Variants in CNP observed in about 807,000 individuals in gnomAD.
The protein encoded by CNP is 2',3'-cyclic nucleotide 3' phosphodiesterase.
CNP carries 8 observed loss-of-function variants against 37.9 expected under a neutral mutation model. That is an observed-to-expected ratio of 0.21 (90% confidence interval 0.12 to 0.38). The LOEUF is 0.38. Ranked by LOEUF, CNP falls within the 10% of genes least tolerant of loss-of-function variation. CNP has a pLI of 1.00. For missense variants in CNP, 457 were observed against 551.0 expected, an observed-to-expected ratio of 0.83 and a Z score of 1.71; for synonymous variants, 237 against 238.3, an observed-to-expected ratio of 0.99 and a Z score of 0.05.
In CNP at chr17:41,967,675, C is replaced by G. The variant is rs563043071; in HGVS notation, c.4-393C>G. 28 of 1,036,372 alleles carry G rather than the reference C, an allele frequency of 2.7e-5. 1 individual carries two copies. The South Asian group carries it at 3.1e-4, about 11-fold the overall frequency. 64.2% of individuals were successfully genotyped at this position (1,036,372 alleles called of 1,614,324 possible). On this transcript the variant is annotated intron_variant, in intron 1 of 3. Transcript: ENST00000393892. ...TGGGGTAACCCTTCTCCACTCCCCCCCTTCTCTGTGCACTCAGCCGTGGCA... is the reference window on the plus strand; with the variant it reads ...TGGGGTAACCCTTCTCCACTCCCCCGCTTCTCTGTGCACTCAGCCGTGGCA...
chr17:41,972,021 C>T lies in CNP; in HGVS notation c.806C>T (p.Ala269Val), dbSNP rs766499063. The change falls in exon 3 of 4, where the codon GCT (alanine) becomes GTT (valine). Residue 269 changes from alanine (A) to valine (V), a missense_variant. By Grantham distance (64) the Ala-to-Val change is moderately conservative. This residue lies in a region of CNP where 291 missense variants were observed against 291.7 expected (regional missense o/e 1.00). Coordinates refer to ENST00000393892, the MANE Select transcript of CNP (RefSeq NM_033133.5). Reference protein sequence around the residue: ...YGKAPGAEEYAQQDVLKKSYS... With the variant: ...YGKAPGAEEYVQQDVLKKSYS... ...AAGGCTCCCGGGGCAGAGGAGTACG[C>T]TCAACAAGATGTGAGTCTTCCCCAG... 4.5e-5 allele frequency: 73 copies of T among 1,613,576 alleles called. No homozygotes were observed. The highest frequency in any genetic ancestry group is 5.8e-5 in the Non-Finnish European group (68 of 1,179,814).
chr17:41,973,040 G>C (rs1555644052), intron 3 of CNP, among the ~76,000 whole-genome samples: 2 of 152,244 alleles, frequency 1.3e-5, no homozygotes, highest in Non-Finnish European at 2.9e-5. Flanking sequence ...GCTGAGCGGT[G>C]CCAACAGTAG....
Position 41,968,584 on chromosome 17 carries a change from C to G in CNP, c.520C>G (p.Leu174Val), listed in dbSNP as rs927755907. 6.2e-7 allele frequency: 1 copy of G among 1,613,946 alleles called. No homozygotes were observed. The highest frequency in any genetic ancestry group is 1.3e-5 in the African/African-American group (1 of 74,928). The change falls in exon 2 of 4, where the codon CTG becomes GTG. Residue 174 changes from leucine (L) to valine (V), a missense_variant. By Grantham distance (32) the Leu-to-Val change is conservative (BLOSUM62 1). Coordinates refer to ENST00000393892, the MANE Select transcript of CNP (RefSeq NM_033133.5). The surrounding 1 kb of genome is among the most constrained non-coding windows in gnomAD (Gnocchi z 4.8). ...CCAGTGGCAGCTGTCGGCTGATGACCTGAAGAAGCTGAAGCCTGGGCTGGA... is the reference window on the plus strand; with the variant it reads ...CCAGTGGCAGCTGTCGGCTGATGACGTGAAGAAGCTGAAGCCTGGGCTGGA... ...KNQWQLSADD[L>V]KKLKPGLEKD...
intron 1 of CNP, 92 bp from the exon 2 acceptor site, chr17:41,967,976 A>G: frequency 6.6e-7 from 1 of 1,523,586 alleles, no homozygotes; most frequent in Non-Finnish European, 8.8e-7. Flanking sequence ...CCCGCTTGGG[A>G]AGGCACCCAC....
Position 41,976,489 on chromosome 17 carries a change from A to C in CNP, c.*2565A>C. ...TTTTTTTTCTTTTTTAATAAAGTTA[A>C]ACAGTAAAACAAAAATTCACAAGCT... is the stretch of plus-strand genomic sequence containing the variant. On this transcript the variant is annotated 3_prime_UTR_variant, in exon 4 of 4. Transcript: ENST00000393892. 2.0e-6 allele frequency: 1 copy of C among 510,628 alleles called. No individual in the cohort carries two copies. The highest frequency in any genetic ancestry group is 2.7e-5 in the South Asian group (1 of 36,690). The allele number at this position is 510,628 out of a possible 1,614,324, so 31.6% of individuals were successfully genotyped here.
rs911671265 is a variant in CNP, at chr17:41,977,188, A to G, written c.*3264A>G. On this transcript the variant is annotated 3_prime_UTR_variant, in exon 4 of 4. Transcript: ENST00000393892. ...CGCTCATGGGCCCCTCTGACTCCCA[A>G]AGAGCTGCCTAAGAGGCAATGAGTG... 8.8e-6 allele frequency: 13 copies of G among 1,476,192 alleles called. No individual in the cohort carries two copies. Among genetic ancestry groups the G allele is most frequent in the Middle Eastern group, 2.1e-4 (1 of 4,856 alleles). The allele number at this position is 1,476,192 out of a possible 1,614,324, so 91.4% of individuals were successfully genotyped here.
intron 2 of CNP, chr17:41,971,399 T>TC (rs1555643779): frequency 6.9e-6 from 1 of 144,782 alleles, no homozygotes; most frequent in Non-Finnish European, 1.5e-5. Flanking sequence ...AATTTTAACT[T>TC]TTTTTTTTTT....
At chr17:41,969,787 C>G (rs1555643529) in intron 2 of CNP, among the ~76,000 whole-genome samples, 1 of 152,126 alleles carries the variant, frequency 6.6e-6, no homozygotes. Context: ...AACTCCTGAC[C>G]TCAGGTGATC....
In CNP at chr17:41,976,892, G is replaced by A. The variant is rs1477846120; in HGVS notation, c.*2968G>A. 9.6e-6 allele frequency: 12 copies of A among 1,253,556 alleles called. No individual in the cohort carries two copies. The East Asian group carries it at 2.4e-4, about 25-fold the overall frequency. 77.7% of individuals were successfully genotyped at this position (1,253,556 alleles called of 1,614,324 possible). The stretch of plus-strand genomic sequence containing the variant: ...CTCAAACACAGAGAGAAACTCTATG[G>A]GTATCAAACAGCTCAGGCTGTTTTT... On this transcript the variant is annotated 3_prime_UTR_variant, in exon 4 of 4. Coordinates refer to ENST00000393892, the MANE Select transcript of CNP (RefSeq NM_033133.5).
rs1328788413 is a variant in CNP, at chr17:41,974,703, A to G, written c.*779A>G. 1 of 152,562 alleles carries G rather than the reference A, an allele frequency of 6.6e-6. No homozygotes were observed. The highest frequency in any genetic ancestry group is 1.5e-5 in the Non-Finnish European group (1 of 68,326). 9.5% of individuals were successfully genotyped at this position (152,562 alleles called of 1,614,324 possible). On this transcript the variant is annotated 3_prime_UTR_variant, in exon 4 of 4. Coordinates refer to ENST00000393892, the MANE Select transcript of CNP (RefSeq NM_033133.5). ...AACTAGGGAAGAAAGCAGAACAGTT[A>G]AGCAGCCGCCACATCCCCGCTGGCT...
In CNP at chr17:41,974,125, C is replaced by T; in HGVS notation, c.*201C>T. 1 of 441,410 alleles carries T rather than the reference C, an allele frequency of 2.3e-6. No homozygotes were observed. Among genetic ancestry groups the T allele is most frequent in the Non-Finnish European group, 3.8e-6 (1 of 263,328 alleles). 27.3% of individuals were successfully genotyped at this position (441,410 alleles called of 1,614,324 possible). ...CCCTCTAATGCTCACGCTCCCAACA[C>T]AAGGTGGGCAGGGAGGCACCATTCA... On this transcript the variant is annotated 3_prime_UTR_variant, in exon 4 of 4. Transcript: ENST00000393892.
rs889452568 is a variant in CNP at position 41,974,213 on chromosome 17, C to T, written c.*289C>T. The T allele has an allele frequency of 5.0e-5, 12 of 242,332 alleles. No homozygotes were observed. Among genetic ancestry groups the T allele is most frequent in the African/African-American group, 1.6e-4 (7 of 44,538 alleles). The allele number at this position is 242,332 out of a possible 1,614,324, so 15.0% of individuals were successfully genotyped here. A position where few individuals can be genotyped will look rare whatever the true frequency, so the allele number is the denominator to read the frequency against. ...AGGGATGGGGCCACAGCCAGAACCC[C>T]GAGCCCTACTTCCAGGTTCTGGTTA... On this transcript the variant is annotated 3_prime_UTR_variant, in exon 4 of 4. Coordinates refer to ENST00000393892, the MANE Select transcript of CNP (RefSeq NM_033133.5).
Position 41,973,974 on chromosome 17 carries a change from G to T in CNP, c.*50G>T. On this transcript the variant is annotated 3_prime_UTR_variant, in exon 4 of 4. Coordinates refer to ENST00000393892, the MANE Select transcript of CNP (RefSeq NM_033133.5). ...CTAGAAGGGAAGGGGAGAGGGAAAC[G>T]TGCCCTCTGTTTGATCCTTGTTTTG... 7.5e-7 allele frequency: 1 copy of T among 1,325,396 alleles called. No homozygotes were observed. Among genetic ancestry groups the T allele is most frequent in the Non-Finnish European group, 9.9e-7 (1 of 1,014,246 alleles). The allele number at this position is 1,325,396 out of a possible 1,614,324, so 82.1% of individuals were successfully genotyped here.
chr17:41,973,993 T>C lies in CNP; in HGVS notation c.*69T>C. 7.9e-7 allele frequency: 1 copy of C among 1,260,702 alleles called. No homozygotes were observed. The highest frequency in any genetic ancestry group is 3.2e-5 in the Admixed American group (1 of 30,808). 78.1% of individuals were successfully genotyped at this position (1,260,702 alleles called of 1,614,324 possible). On this transcript the variant is annotated 3_prime_UTR_variant, in exon 4 of 4. Coordinates refer to ENST00000393892, the MANE Select transcript of CNP (RefSeq NM_033133.5). ...GGAAACGTGCCCTCTGTTTGATCCT[T>C]GTTTTGTGACATTTTTTTTTTTTTT...
Position 41,976,550 on chromosome 17 carries a change from T to G in CNP, c.*2626T>G. ...CCACCCCCGCCTCCCTCCCCTGCCC[T>G]CGGTCTTCGGCATTGGTTCCCTTTG... On this transcript the variant is annotated 3_prime_UTR_variant, in exon 4 of 4. Coordinates refer to ENST00000393892, the MANE Select transcript of CNP (RefSeq NM_033133.5). 1.8e-6 allele frequency: 1 copy of G among 557,518 alleles called. No individual in the cohort carries two copies. The highest frequency in any genetic ancestry group is 2.9e-6 in the Non-Finnish European group (1 of 343,590). 34.5% of individuals were successfully genotyped at this position (557,518 alleles called of 1,614,324 possible). A position where few individuals can be genotyped will look rare whatever the true frequency, so the allele number is the denominator to read the frequency against.
chr17:41,968,135 CAG>C lies in CNP; in HGVS notation c.72_73del (p.Ala26GlnfsTer5). 1 of 1,614,244 alleles carries C rather than the reference CAG, an allele frequency of 6.2e-7. No homozygotes were observed. Among genetic ancestry groups the C allele is most frequent in the Non-Finnish European group, 8.5e-7 (1 of 1,180,046 alleles). ...ATCTTCTTCCGCAAGATGTCATCCT[CAG>C]GGGCCAAGGACAAGCCTGAGCTGCA... is the stretch of plus-strand genomic sequence containing the variant. On this transcript the variant is annotated frameshift_variant, in exon 2 of 4. Coordinates refer to ENST00000393892, the MANE Select transcript of CNP (RefSeq NM_033133.5). LOFTEE classifies it high-confidence loss of function. This position sits in a 1 kb window ranked among gnomAD's most constrained non-coding sequence, Gnocchi z 4.8.
At position 41,977,460 on chromosome 17, in the gene CNP, A is replaced by C; in HGVS notation, c.*3536A>C. ...CACTCCCCTCCTTTCCCAACACTTC[A>C]GACTGCAAGTGAGCAAACCTGCCCC... On this transcript the variant is annotated 3_prime_UTR_variant, in exon 4 of 4. Transcript: ENST00000393892. 11 of 759,322 alleles carry C rather than the reference A, an allele frequency of 1.4e-5. No homozygotes were observed. The highest frequency in any genetic ancestry group is 2.2e-5 in the Non-Finnish European group (10 of 463,914). The allele number at this position is 759,322 out of a possible 1,614,324, so 47.0% of individuals were successfully genotyped here.
Position 41,977,387 on chromosome 17 carries a change from G to A in CNP, c.*3463G>A. On this transcript the variant is annotated 3_prime_UTR_variant, in exon 4 of 4. Coordinates refer to ENST00000393892, the MANE Select transcript of CNP (RefSeq NM_033133.5). Reference sequence around the variant, plus strand: ...GTGAAAAATTAGAAATGTTCGAAGAGAACTGATGACACTGAGAACAGATCT... The same window carrying A: ...GTGAAAAATTAGAAATGTTCGAAGAAAACTGATGACACTGAGAACAGATCT... 4.2e-6 allele frequency: 6 copies of A among 1,412,604 alleles called. No individual in the cohort carries two copies. The highest frequency in any genetic ancestry group is 5.9e-6 in the Non-Finnish European group (6 of 1,021,324). 87.5% of individuals were successfully genotyped at this position (1,412,604 alleles called of 1,614,324 possible).
chr17:41,971,839 T>C (rs782170002), intron 2 of CNP, 53 bp from the exon 3 acceptor site: 33 of 1,601,502 alleles, frequency 2.1e-5, no homozygotes, highest in Non-Finnish European at 2.7e-5. Flanking sequence ...TGGTGGCGGA[T>C]GTTGGTATGC....
Sources: gnomAD v4.1 joint callset for allele counts (sites outside exome capture counted in the v4.1 genomes callset) on GRCh38, gnomAD v4.1.1 for gene constraint, gnomAD v4.1.1 regional missense constraint, Gnocchi (gnomAD v3.1) non-coding constraint, MANE v1.5 for transcripts, NCBI Gene and HGNC (gene_info 2026-07-23, HGNC 2026-07-21) for gene names.